The following SHTN1 variants were observed in gnomAD, a reference collection of about 807,000 sequenced individuals.
The protein encoded by SHTN1 is shootin-1.
A neutral mutation model predicts 83.1 loss-of-function variants in SHTN1; 42 were observed. The observed-to-expected ratio is 0.51, with a 90% CI of 0.39 to 0.65. The LOEUF (loss-of-function observed/expected upper bound fraction) is 0.65. Ranked by LOEUF, SHTN1 falls within the 30% of genes least tolerant of loss-of-function variation. The pLI is 0.00. For synonymous variants in SHTN1, 224 were observed against 247.7 expected (o/e 0.90, Z 0.90); for missense variants, 622 against 737.8 (o/e 0.84, Z 1.82).
At chr10:117,098,799 C>T (rs1439493746) in intron 1 of SHTN1, among the ~76,000 whole-genome samples, 1 of 152,130 alleles carries the variant, frequency 6.6e-6, no homozygotes, top group Non-Finnish European at 1.5e-5. Flanking sequence ...AACGCTTCCT[C>T]CTGCTGATGG....
intron 9 of SHTN1, among the ~76,000 whole-genome samples, chr10:116,937,016 G>C (rs1302591253): frequency 6.6e-6 from 1 of 151,958 alleles, no homozygotes; most frequent in Non-Finnish European, 1.5e-5. Context: ...CAGTTACTTA[G>C]TAAATATGCC....
intron 1 of SHTN1, among the ~76,000 whole-genome samples, chr10:117,068,798 G>A (rs1212887264): frequency 6.6e-6 from 1 of 152,194 alleles, no homozygotes; most frequent in Non-Finnish European, 1.5e-5. Context: ...GTGACATGAT[G>A]GGGAAGGATA....
At chr10:117,105,486 C>T (rs770482191) in intron 1 of SHTN1, among the ~76,000 whole-genome samples, 11 of 152,170 alleles carry the variant, frequency 7.2e-5, no homozygotes, top group Non-Finnish European at 1.2e-4. Context: ...GGTCAAATGA[C>T]TTACCCACAG....
At chr10:117,113,874 C>T (rs1311046254) in intron 1 of SHTN1, among the ~76,000 whole-genome samples, 4 of 152,072 alleles carry the variant, frequency 2.6e-5, no homozygotes, top group East Asian at 1.9e-4. Flanking sequence ...GGTGAAACCC[C>T]GTCTCTACTA....
At chr10:117,115,141 A>G (rs755004357) in intron 1 of SHTN1, among the ~76,000 whole-genome samples, 67 of 152,194 alleles carry the variant, frequency 4.4e-4, no homozygotes, top group Non-Finnish European at 7.9e-4. Context: ...TGTGCCTATA[A>G]TTTCAAAAAA....
intron 1 of SHTN1, among the ~76,000 whole-genome samples, chr10:117,114,974 T>C (rs1014771674): frequency 1.3e-4 from 20 of 152,120 alleles, no homozygotes; most frequent in Non-Finnish European, 2.1e-4. Context: ...AACAAATCTC[T>C]TCCCATCTCT....
At chr10:117,106,808 A>G (rs895884564) in intron 1 of SHTN1, among the ~76,000 whole-genome samples, 3 of 152,132 alleles carry the variant, frequency 2.0e-5, no homozygotes, top group African/African-American at 7.2e-5. Context: ...TTTCTTCTAG[A>G]ATGCTTTCCT....
chr10:116,984,190 G>C (rs1851146944), intron 1 of SHTN1, among the ~76,000 whole-genome samples: 1 of 152,160 alleles, frequency 6.6e-6, no homozygotes, highest in Non-Finnish European at 1.5e-5. Context: ...TTCCAGACCA[G>C]TATTTCCAAC....
intron 1 of SHTN1, among the ~76,000 whole-genome samples, chr10:117,109,553 CTTTTTTTTT>C (rs374713015): frequency 3.0e-4 from 13 of 42,954 alleles, no homozygotes; most frequent in East Asian, 1.9e-3. Context: ...ACATATATTA[CTTTTTTTTT>C]TTTTTTTTTT....
intron 13 of SHTN1, among the ~76,000 whole-genome samples, chr10:116,914,888 T>C (rs1848328344): frequency 6.6e-6 from 1 of 152,142 alleles, no homozygotes; most frequent in African/African-American, 2.4e-5. Flanking sequence ...ATCATATAAG[T>C]CTCACTATTT....
At chr10:116,931,279 C>T (rs117741332) in intron 9 of SHTN1, among the ~76,000 whole-genome samples, 4,317 of 152,088 alleles carry the variant, frequency 0.028, 84 homozygotes, top group Non-Finnish European at 0.041. Flanking sequence ...GATAGAGTCT[C>T]ACTCTTTCGG....
At chr10:117,063,969 A>T (rs1049605161) in intron 1 of SHTN1, among the ~76,000 whole-genome samples, 9 of 152,224 alleles carry the variant, frequency 5.9e-5, no homozygotes, top group African/African-American at 2.2e-4. Flanking sequence ...CCTAAAATAA[A>T]AAAAGTAACA....
chr10:116,978,896 A>G (rs75789920), intron 2 of SHTN1, among the ~76,000 whole-genome samples: 3,421 of 152,352 alleles, frequency 0.022, 124 homozygotes, highest in African/African-American at 0.077. Context: ...CAATGTGTCT[A>G]GGTCCCAACA....
At chr10:117,093,866 C>T (rs911989257) in intron 1 of SHTN1, among the ~76,000 whole-genome samples, 4 of 152,144 alleles carry the variant, frequency 2.6e-5, no homozygotes, top group African/African-American at 9.7e-5. Flanking sequence ...AAAACCAATG[C>T]TTTCTGTCAA....
intron 2 of SHTN1, among the ~76,000 whole-genome samples, chr10:117,034,324 A>C (rs1452461900): frequency 2.0e-5 from 3 of 152,110 alleles, no homozygotes; most frequent in African/African-American, 7.2e-5. Flanking sequence ...TTGGTAAATA[A>C]ATTCAGTAAA....
rs532233186 is a variant in SHTN1, at chr10:117,014,145, G to A, written c.-123+34300C>T. Reference sequence around the variant, plus strand: ...TGGCTACCAGGGGTTGAGGACGAATGGAAGGGTTGAATATAAAGGGGGAAT... The same window carrying A: ...TGGCTACCAGGGGTTGAGGACGAATAGAAGGGTTGAATATAAAGGGGGAAT... On this transcript the variant is annotated intron_variant, in intron 2 of 17. Coordinates refer to the SHTN1 transcript ENST00000392901. 2.2e-3 allele frequency among the ~76,000 whole-genome samples: 328 copies of A among 152,216 alleles called. 3 individuals carry two copies. The highest frequency in any genetic ancestry group is 0.018 in the South Asian group (88 of 4,816).
chr10:117,098,581 G>A (rs1853541665), intron 1 of SHTN1, among the ~76,000 whole-genome samples: 1 of 151,998 alleles, frequency 6.6e-6, no homozygotes. Context: ...GCTTCCCACT[G>A]CATGTTTTCA....
chr10:117,088,280 TAC>T (rs745594107), intron 1 of SHTN1, among the ~76,000 whole-genome samples: 15 of 152,332 alleles, frequency 9.8e-5, no homozygotes, highest in East Asian at 7.7e-4. Flanking sequence ...CTCAGTTCAC[TAC>T]AGTGTTTTGA....
At chr10:116,993,461 T>C (rs547733448) in intron 1 of SHTN1, among the ~76,000 whole-genome samples, 3 of 152,318 alleles carry the variant, frequency 2.0e-5, no homozygotes, top group East Asian at 1.9e-4. Flanking sequence ...CTAACCCAAA[T>C]ACTTTTCAGG....
Sources: allele counts gnomAD v4.1 joint callset (sites outside exome capture counted in the v4.1 genomes callset), GRCh38; gene constraint gnomAD v4.1.1; transcripts MANE v1.5; gene names NCBI Gene and HGNC (gene_info 2026-07-23, HGNC 2026-07-21).